The following DNAH9 variants were observed in gnomAD, a reference collection of about 807,000 sequenced individuals.
The protein encoded by DNAH9 is DNAH9 variant protein.
A neutral mutation model predicts 471.6 loss-of-function variants in DNAH9; 345 were observed. That is an observed-to-expected ratio of 0.73 (90% CI 0.67 to 0.80). The LOEUF (loss-of-function observed/expected upper bound fraction) is 0.80, where lower values mean the gene tolerates loss of function less well. Ranked by LOEUF, DNAH9 falls within the 30% of genes least tolerant of loss-of-function variation. DNAH9 has a pLI of 0.00. For synonymous variants in DNAH9, 2,093 were observed against 2,123.6 expected, an observed-to-expected ratio of 0.99 and a Z score of 0.40; for missense variants, 5,407 against 5,609.2, an observed-to-expected ratio of 0.96 and a Z score of 1.15.
Position 11,834,643 on chromosome 17 carries a change from T to G in DNAH9, c.9252T>G (p.Asp3084Glu). The change falls in exon 49 of 69, where the codon GAT (aspartate) becomes GAG (glutamate). Residue 3084 changes from aspartate (D) to glutamate (E), a missense_variant. By Grantham distance (45) the Asp-to-Glu change is conservative. Around this residue, in one of 3 missense-constraint regions of DNAH9, gnomAD observed 4,636 missense variants for 4,900.3 expected, o/e 0.95. Coordinates refer to ENST00000262442, the MANE Select transcript of DNAH9 (RefSeq NM_001372.4). Reference sequence around the variant, plus strand: ...CCCGTGCTTCTCCAATGCAGGTGGATGATCTGAAAGCAAAGCTGGCTGCCC... The same window carrying G: ...CCCGTGCTTCTCCAATGCAGGTGGAGGATCTGAAAGCAAAGCTGGCTGCCC... ...LKLHSTSAQVDDLKAKLAAQE... is the reference protein window; with the variant it reads ...LKLHSTSAQVEDLKAKLAAQE... 6.2e-7 allele frequency: 1 copy of G among 1,613,984 alleles called. No individual in the cohort carries two copies. The highest frequency in any genetic ancestry group is 8.5e-7 in the Non-Finnish European group (1 of 1,179,994).
intron 49 of DNAH9, among the ~76,000 whole-genome samples, chr17:11,839,741 G>C (rs185699815): frequency 1.3e-4 from 20 of 152,178 alleles, no homozygotes; most frequent in Non-Finnish European, 2.6e-4. Context: ...TTTCCCTCCT[G>C]TTTTACTGTA....
At chr17:11,735,925 G>A (rs917320176) in intron 28 of DNAH9, among the ~76,000 whole-genome samples, 1 of 152,184 alleles carries the variant, frequency 6.6e-6, no homozygotes, top group African/African-American at 2.4e-5. Flanking sequence ...CATGTGCTTC[G>A]GCACCAGATT....
intron 35 of DNAH9, among the ~76,000 whole-genome samples, chr17:11,760,203 T>A (rs1259944964): frequency 6.6e-6 from 1 of 152,212 alleles, no homozygotes; most frequent in Non-Finnish European, 1.5e-5. Flanking sequence ...AGTGCTGCAA[T>A]AAACATAAGA....
At position 11,646,165 on chromosome 17, in the gene DNAH9, C is replaced by G. The variant is rs560906326; in HGVS notation, c.1971-907C>G. On this transcript the variant is annotated intron_variant, in intron 11 of 68. Transcript: ENST00000262442. ...AAGTGCTGGGATTACAGGTGTGAGC[C>G]ACCACGCCTGGCTAATTTTTTTTTT... Among the ~76,000 whole-genome samples the G allele has an allele frequency of 1.7e-4, 25 of 147,020 alleles. No individual in the cohort carries two copies. In the East Asian group the frequency reaches 3.4e-3, roughly 20 times the overall value.
chr17:11,942,144 A>C (rs1459788015), intron 66 of DNAH9, among the ~76,000 whole-genome samples, 159 bp from the exon 67 acceptor site: 1 of 152,190 alleles, frequency 6.6e-6, no homozygotes, highest in Non-Finnish European at 1.5e-5. Flanking sequence ...GCCCTGACCT[A>C]GTTGACCTCG....
rs893656410 is a variant in DNAH9 at position 11,892,478 on chromosome 17, G to A, written c.11283+531G>A. ...AAGGGTTTGGGAAGCAGGGATTTCC[G>A]ATGTTGCTGCATCTTTAAGAAGAAA... On this transcript the variant is annotated intron_variant, in intron 58 of 68. Transcript: ENST00000262442. The surrounding 1 kb of genome is among the most constrained non-coding windows in gnomAD (Gnocchi z 4.3). Among the ~76,000 whole-genome samples the A allele has an allele frequency of 2.0e-5, 3 of 152,142 alleles. No homozygotes were observed. The highest frequency in any genetic ancestry group is 7.2e-5 in the African/African-American group (3 of 41,422).
chr17:11,708,002 CACACACACACACAGAGAGAGAGAGAGAG>C (rs1376535660), intron 26 of DNAH9, among the ~76,000 whole-genome samples: 36 of 49,858 alleles, frequency 7.2e-4, no homozygotes, highest in African/African-American at 1.3e-3. Context: ...CACACACACA[CACACACACACACAGAGAGAGAGAGAGAG>C]AGAGAGAGAG....
intron 30 of DNAH9, 124 bp from the exon 31 acceptor site, chr17:11,744,673 C>T: frequency 1.2e-6 from 1 of 804,880 alleles, no homozygotes; most frequent in Non-Finnish European, 2.0e-6. Context: ...GTCATCCCTT[C>T]CCACGTCTCT....
chr17:11,817,814 A>C (rs901675547), intron 45 of DNAH9, among the ~76,000 whole-genome samples: 1 of 152,040 alleles, frequency 6.6e-6, no homozygotes, highest in Non-Finnish European at 1.5e-5. Context: ...TAACTATCTC[A>C]AAGAATAGAA....
intron 49 of DNAH9, among the ~76,000 whole-genome samples, chr17:11,849,454 C>T (rs764486084): frequency 1.3e-4 from 20 of 152,222 alleles, no homozygotes; most frequent in Non-Finnish European, 2.4e-4. Context: ...GCCTCCGGAG[C>T]CTCTGGTGGT....
intron 53 of DNAH9, chr17:11,875,893 G>A (rs530883160): frequency 6.6e-6 from 1 of 152,400 alleles, no homozygotes; most frequent in African/African-American, 2.4e-5. Flanking sequence ...GGGGAAACAG[G>A]ATGGGGCAAT....
In DNAH9 at chr17:11,669,225, C is replaced by T. The variant is rs775908702; in HGVS notation, c.2893C>T (p.Arg965Trp). ...SIFRIPSLVP[R>W]LSPQNGSPHY... ...TTTTAGGATACCATCTCTGGTGCCACGGCTTTCCCCACAAAATGGCTCTCC... is the reference window on the plus strand; with the variant it reads ...TTTTAGGATACCATCTCTGGTGCCATGGCTTTCCCCACAAAATGGCTCTCC... The change falls in exon 16 of 69, where the codon CGG becomes TGG. Residue 965 changes from arginine to tryptophan, a missense_variant. This residue lies in a region of DNAH9 where 4,636 missense variants were observed against 4,900.3 expected (regional missense o/e 0.95). Coordinates refer to ENST00000262442, the MANE Select transcript of DNAH9 (RefSeq NM_001372.4). 2.2e-5 allele frequency: 35 copies of T among 1,613,804 alleles called. No homozygotes were observed. In the Middle Eastern group the frequency reaches 4.9e-4, roughly 23 times the overall value.
chr17:11,904,723 A>G (rs1057297285), intron 60 of DNAH9, among the ~76,000 whole-genome samples: 4 of 151,888 alleles, frequency 2.6e-5, no homozygotes, highest in East Asian at 1.9e-4. Context: ...CCGCTTGCCA[A>G]TCCTAAGGCA....
At chr17:11,675,554 G>A (rs1180410868) in intron 17 of DNAH9, among the ~76,000 whole-genome samples, 2 of 152,108 alleles carry the variant, frequency 1.3e-5, no homozygotes. Flanking sequence ...TCACTGCTGA[G>A]TATAATATTT....
At position 11,693,747 on chromosome 17, in the gene DNAH9, G is replaced by T. The variant is rs1004217532; in HGVS notation, c.4615-121G>T. ...TTAAACTAAGGGTGTTTCCTTCGTTGAGTCTATTCTCTGTATTTGACAACC... is the reference window on the plus strand; with the variant it reads ...TTAAACTAAGGGTGTTTCCTTCGTTTAGTCTATTCTCTGTATTTGACAACC... On this transcript the variant is annotated intron_variant, in intron 20 of 68. Transcript: ENST00000262442. 3 of 1,039,832 alleles carry T rather than the reference G, an allele frequency of 2.9e-6. No individual in the cohort carries two copies. The South Asian group carries it at 4.1e-5, about 14-fold the overall frequency. 64.4% of individuals were successfully genotyped at this position (1,039,832 alleles called of 1,614,324 possible). A position where few individuals can be genotyped will look rare whatever the true frequency, so the allele number is the denominator to read the frequency against.
At chr17:11,752,299 C>T (rs1967189821) in intron 32 of DNAH9, among the ~76,000 whole-genome samples, 1 of 152,194 alleles carries the variant, frequency 6.6e-6, no homozygotes, top group African/African-American at 2.4e-5. Context: ...GTAGTTTCAT[C>T]ATGTCATAGT....
chr17:11,969,307 T>C lies in DNAH9; in HGVS notation c.13241T>C (p.Ile4414Thr), dbSNP rs1485424132. 1.2e-6 allele frequency: 2 copies of C among 1,613,594 alleles called. No individual in the cohort carries two copies. Among genetic ancestry groups the C allele is most frequent in the Non-Finnish European group, 1.7e-6 (2 of 1,179,892 alleles). Reference protein sequence around the residue: ...EGACWDTQAGIITEAKLKDLT... With the variant: ...EGACWDTQAGTITEAKLKDLT... ...CTCATGTTTTATCCTCAGGCTGGGA[T>C]CATTACAGAGGCAAAGCTGAAGGAT... The change falls in exon 69 of 69, where the codon ATC (isoleucine) becomes ACC (threonine). Residue 4414 changes from isoleucine (I) to threonine (T), a missense_variant. By Grantham distance (89) the Ile-to-Thr change is moderately conservative. Around this residue, in one of 3 missense-constraint regions of DNAH9, gnomAD observed 4,636 missense variants for 4,900.3 expected, o/e 0.95. Transcript: ENST00000262442.
chr17:11,609,623 T>G (rs1053462358), intron 2 of DNAH9, among the ~76,000 whole-genome samples: 1 of 152,252 alleles, frequency 6.6e-6, no homozygotes, highest in Non-Finnish European at 1.5e-5. Context: ...TATGTCCTCT[T>G]TCTTTGTCGT....
chr17:11,881,728 G>A (rs1972729365), intron 55 of DNAH9, among the ~76,000 whole-genome samples: 1 of 152,068 alleles, frequency 6.6e-6, no homozygotes, highest in Non-Finnish European at 1.5e-5. Flanking sequence ...CCAACATGGT[G>A]AAACCCCATC....
Sources: allele counts gnomAD v4.1 joint callset (sites outside exome capture counted in the v4.1 genomes callset), GRCh38; gene constraint gnomAD v4.1.1; regional missense constraint gnomAD v4.1.1; non-coding constraint Gnocchi (gnomAD v3.1); transcripts MANE v1.5; gene names NCBI Gene and HGNC (gene_info 2026-07-23, HGNC 2026-07-21).